The following CHST9 variants were observed in gnomAD, a reference collection of about 807,000 sequenced individuals.
CHST9 encodes carbohydrate sulfotransferase 9.
CHST9 carries 41 observed loss-of-function variants against 44.4 expected under a neutral mutation model. The ratio of observed to expected loss-of-function variants is 0.92; its 90% CI spans 0.72 to 1.20. The LOEUF (loss-of-function observed/expected upper bound fraction) is 1.20. CHST9 is among the 50% of genes most tolerant of loss of function. The pLI, the probability that CHST9 is intolerant of heterozygous loss-of-function variation, is 0.00. For synonymous variants in CHST9, 171 were observed against 178.4 expected (o/e 0.96, Z 0.33); for missense variants, 504 against 516.5 (o/e 0.98, Z 0.23).
intron 1 of CHST9, among the ~76,000 whole-genome samples, chr18:27,148,050 G>A (rs544435879): frequency 1.3e-5 from 2 of 151,962 alleles, no homozygotes; most frequent in South Asian, 2.1e-4. Context: ...AGTGTCTGCT[G>A]TTCTCCTCTA....
intron 4 of CHST9, among the ~76,000 whole-genome samples, chr18:27,015,745 C>A (rs551721206): frequency 3.3e-5 from 5 of 152,256 alleles, no homozygotes; most frequent in African/African-American, 9.6e-5. Context: ...CACTCTGCAT[C>A]ATTTCTATGA....
At chr18:26,986,976 AAAGC>A (rs1434621775) in intron 4 of CHST9, among the ~76,000 whole-genome samples, 1 of 152,244 alleles carries the variant, frequency 6.6e-6, no homozygotes, top group Non-Finnish European at 1.5e-5. Context: ...AAAGGTATAA[AAAGC>A]AACAGGATTA....
Position 27,117,109 on chromosome 18 carries a change from G to GA in CHST9, c.121+25579dup, listed in dbSNP as rs567050202. On this transcript the variant is annotated intron_variant, in intron 2 of 5. Coordinates refer to ENST00000618847, the MANE Select transcript of CHST9 (RefSeq NM_031422.6). ...TTGATGATTCTTCCCTAAAATGACT[G>GA]AAAAATAGAAATAATAATGAAGCAA... Among the ~76,000 whole-genome samples the GA allele has an allele frequency of 9.9e-4, 133 of 134,388 alleles. 1 individual carries two copies. The South Asian group carries it at 0.011, about 11-fold the overall frequency. The allele number at this position is 134,388 out of a possible 152,430, so 88.2% of individuals were successfully genotyped here. A position where few individuals can be genotyped will look rare whatever the true frequency, so the allele number is the denominator to read the frequency against.
chr18:26,939,585 C>A (rs1215008740), intron 5 of CHST9, among the ~76,000 whole-genome samples: 1 of 152,214 alleles, frequency 6.6e-6, no homozygotes, highest in Non-Finnish European at 1.5e-5. Flanking sequence ...ATATGTCGAA[C>A]TATTTCAAAG....
At chr18:27,109,768 CT>C (rs879840088) in intron 2 of CHST9, among the ~76,000 whole-genome samples, 61 of 147,672 alleles carry the variant, frequency 4.1e-4, no homozygotes, top group African/African-American at 3.7e-4. Flanking sequence ...GTTCCGACAA[CT>C]TTTTTTTTTT....
At chr18:27,055,858 G>C (rs17631428) in intron 2 of CHST9, among the ~76,000 whole-genome samples, 5,720 of 152,118 alleles carry the variant, frequency 0.038, 158 homozygotes, top group Non-Finnish European at 0.057. Flanking sequence ...AGGGATGCTT[G>C]TGAGCCATGT....
intron 4 of CHST9, among the ~76,000 whole-genome samples, chr18:26,983,502 C>A (rs2056718125): frequency 6.6e-6 from 1 of 152,094 alleles, no homozygotes; most frequent in African/African-American, 2.4e-5. Flanking sequence ...TTGCCTTTTG[C>A]CATGAAAAAC....
intron 5 of CHST9, among the ~76,000 whole-genome samples, chr18:26,937,444 A>C (rs1023770561): frequency 2.6e-5 from 4 of 152,194 alleles, no homozygotes; most frequent in African/African-American, 9.7e-5. Flanking sequence ...CATTTAATTA[A>C]TAGAACAGCT....
intron 4 of CHST9, among the ~76,000 whole-genome samples, chr18:27,014,169 AT>A (rs749951786): frequency 1.8e-4 from 28 of 152,300 alleles, no homozygotes; most frequent in Non-Finnish European, 3.1e-4. Context: ...TAATCGAAAC[AT>A]TTCAATTTTA....
chr18:26,932,543 TC>T (rs1021288040), intron 5 of CHST9, among the ~76,000 whole-genome samples: 2 of 150,974 alleles, frequency 1.3e-5, no homozygotes, highest in African/African-American at 5.0e-5. Flanking sequence ...GTTAGCTGGA[TC>T]AGGGGTGAAG....
At chr18:27,175,049 ATAGTAAGTGCCCATCAG>A (rs1363625770) in intron 1 of CHST9, among the ~76,000 whole-genome samples, 2 of 152,120 alleles carry the variant, frequency 1.3e-5, no homozygotes, top group African/African-American at 2.4e-5. Context: ...TATCTAAAAC[ATAGTAAGTGCCCATCAG>A]TATGATATAG....
intron 5 of CHST9, among the ~76,000 whole-genome samples, chr18:26,940,791 C>G (rs2056071344): frequency 6.6e-6 from 1 of 152,188 alleles, no homozygotes. Context: ...CCTAAGAATA[C>G]AACCTTGTTT....
chr18:27,029,782 C>A (rs1407429871), intron 3 of CHST9, among the ~76,000 whole-genome samples: 3 of 151,982 alleles, frequency 2.0e-5, no homozygotes, highest in Non-Finnish European at 4.4e-5. Flanking sequence ...TGTTTTTTCC[C>A]CCAAATATTT....
At chr18:27,143,205 C>T (rs2058582576) in intron 1 of CHST9, among the ~76,000 whole-genome samples, 1 of 151,994 alleles carries the variant, frequency 6.6e-6, no homozygotes, top group Admixed American at 6.6e-5. Flanking sequence ...TTTGGGATAC[C>T]TTAAAATAAT....
intron 5 of CHST9, among the ~76,000 whole-genome samples, chr18:26,938,256 T>C (rs1409155193): frequency 6.6e-6 from 1 of 152,216 alleles, no homozygotes; most frequent in Admixed American, 6.5e-5. Flanking sequence ...TTAAGTATTT[T>C]CTAGGTAGAA....
At chr18:27,124,090 C>T (rs763116390) in intron 2 of CHST9, among the ~76,000 whole-genome samples, 4 of 152,300 alleles carry the variant, frequency 2.6e-5, no homozygotes, top group African/African-American at 4.8e-5. Flanking sequence ...TGCACACACA[C>T]AAATGTAACA....
At chr18:27,098,051 A>C (rs1347502315) in intron 2 of CHST9, among the ~76,000 whole-genome samples, 1 of 151,988 alleles carries the variant, frequency 6.6e-6, no homozygotes, top group East Asian at 1.9e-4. Context: ...AAATTTTTGC[A>C]ATCTACCCAT....
Position 27,057,636 on chromosome 18 carries a change from T to C in CHST9, c.122-9133A>G, listed in dbSNP as rs141915401. On this transcript the variant is annotated intron_variant, in intron 2 of 5. Transcript: ENST00000618847. Reference sequence around the variant, plus strand: ...AGTACTGTGAGCTCCAGACAGTGTGTACTGAGATACAAAAACTGGCCCTTC... The same window carrying C: ...AGTACTGTGAGCTCCAGACAGTGTGCACTGAGATACAAAAACTGGCCCTTC... Among the ~76,000 whole-genome samples the C allele has an allele frequency of 3.3e-3, 497 of 152,338 alleles. 1 individual carries two copies. The highest frequency in any genetic ancestry group is 5.4e-3 in the Non-Finnish European group (369 of 68,022).
At chr18:26,931,965 C>T (rs1182793215) in intron 5 of CHST9, among the ~76,000 whole-genome samples, 6 of 152,068 alleles carry the variant, frequency 3.9e-5, no homozygotes, top group East Asian at 1.9e-4. Flanking sequence ...GCTTTCCTCT[C>T]GGTGACATCA....
Sources: allele counts gnomAD v4.1 joint callset (sites outside exome capture counted in the v4.1 genomes callset), GRCh38; gene constraint gnomAD v4.1.1; transcripts MANE v1.5; gene names NCBI Gene and HGNC (gene_info 2026-07-23, HGNC 2026-07-21).